The following PCDHGB2 variants were observed in gnomAD, a reference collection of about 807,000 sequenced individuals.
PCDHGB2 encodes the protein protocadherin gamma subfamily B, 2.
Under a neutral mutation model 59.3 loss-of-function variants are expected in PCDHGB2, and 55 were observed. That is an observed-to-expected ratio of 0.93 (90% CI 0.75 to 1.16). The LOEUF is 1.16. Among genes scored for constraint, PCDHGB2 ranks in the 50% most tolerant of loss-of-function variants. The pLI is 0.00. For synonymous variants in PCDHGB2, 516 were observed against 512.0 expected, an observed-to-expected ratio of 1.01 and a Z score of -0.11; for missense variants, 1,228 against 1,198.5, an observed-to-expected ratio of 1.02 and a Z score of -0.36.
At chr5:141,423,734 T>C in intron 1 of PCDHGB2, 1 of 969,626 alleles carries the variant, frequency 1.0e-6, no homozygotes, top group Non-Finnish European at 1.3e-6. Flanking sequence ...TTTTTGAGCC[T>C]GTTATGAAAA....
chr5:141,488,837 C>A (rs550655328), intron 1 of PCDHGB2, among the ~76,000 whole-genome samples: 1 of 152,280 alleles, frequency 6.6e-6, no homozygotes, highest in African/African-American at 2.4e-5. Context: ...GCCAAGGGGG[C>A]TGAATCAACC....
At chr5:141,398,670 A>T in intron 1 of PCDHGB2, 1 of 1,613,830 alleles carries the variant, frequency 6.2e-7, no homozygotes, top group Non-Finnish European at 8.5e-7. Flanking sequence ...TCTCATTAAT[A>T]ATTAAGGAGA....
At position 141,433,052 on chromosome 5, in the gene PCDHGB2, A is replaced by G. The variant is rs757503771; in HGVS notation, c.2422-61755A>G. The G allele has an allele frequency of 3.1e-6, 5 of 1,614,178 alleles. No individual in the cohort carries two copies. In the Admixed American group the frequency reaches 8.3e-5, roughly 27 times the overall value. ...GGTTTCCCTCACCACGGACTCGCGG[A>G]AGAGTCACCTGATCTTCCCCCAGCC... On this transcript the variant is annotated intron_variant, in intron 1 of 3. Transcript: ENST00000522605.
Position 141,485,605 on chromosome 5 carries a change from G to A in PCDHGB2, c.2422-9202G>A. On this transcript the variant is annotated intron_variant, in intron 1 of 3. Transcript: ENST00000522605. This position sits in a 1 kb window ranked among gnomAD's most constrained non-coding sequence, Gnocchi z 5.7. The stretch of plus-strand genomic sequence containing the variant: ...AGCAGCTGGACTTGGAAATTGGGGA[G>A]GCAGCTCCTCCAGGACAGCGTTTCC... 6.2e-7 allele frequency: 1 copy of A among 1,612,448 alleles called. No homozygotes were observed. Among genetic ancestry groups the A allele is most frequent in the Non-Finnish European group, 8.5e-7 (1 of 1,178,750 alleles).
chr5:141,385,593 C>T lies in PCDHGB2; in HGVS notation c.2421+23037C>T. On this transcript the variant is annotated intron_variant, in intron 1 of 3. Transcript: ENST00000522605. ...ACTTTCCAATCTATGTTCCAACCTA[C>T]TTTCTTAACTCATATATTTTATACA... is the stretch of plus-strand genomic sequence containing the variant. The T allele has an allele frequency of 2.4e-6, 3 of 1,235,054 alleles. No individual in the cohort carries two copies. The South Asian group carries it at 7.5e-5, about 31-fold the overall frequency. The allele number at this position is 1,235,054 out of a possible 1,614,324, so 76.5% of individuals were successfully genotyped here. A position where few individuals can be genotyped will look rare whatever the true frequency, so the allele number is the denominator to read the frequency against.
chr5:141,390,446 G>A, intron 1 of PCDHGB2: 1 of 862,526 alleles, frequency 1.2e-6, no homozygotes, highest in Non-Finnish European at 1.7e-6. Context: ...CTACAAAGGA[G>A]GAGTAAAGTA....
intron 1 of PCDHGB2, chr5:141,365,167 C>A (rs201444039): frequency 2.5e-5 from 41 of 1,613,832 alleles, no homozygotes; most frequent in Non-Finnish European, 3.4e-5. Flanking sequence ...AATTGACCTA[C>A]TCTTTTCGCA....
intron 1 of PCDHGB2, chr5:141,400,388 A>C: frequency 1.9e-6 from 3 of 1,614,066 alleles, no homozygotes; most frequent in Non-Finnish European, 2.5e-6. Context: ...TGTGTTGCAC[A>C]TACAGGAAAG....
At chr5:141,422,911 G>A (rs375046528) in intron 1 of PCDHGB2, 5 of 1,614,118 alleles carry the variant, frequency 3.1e-6, no homozygotes, top group African/African-American at 2.7e-5. Flanking sequence ...CAATGCGCCC[G>A]AGATCCTGTA....
intron 1 of PCDHGB2, chr5:141,398,776 G>A: frequency 6.2e-7 from 1 of 1,613,904 alleles, no homozygotes; most frequent in Non-Finnish European, 8.5e-7. Flanking sequence ...TGCCTTGGAC[G>A]GTGGACATCC....
intron 1 of PCDHGB2, among the ~76,000 whole-genome samples, chr5:141,470,430 T>C (rs994304635): frequency 6.6e-6 from 1 of 152,232 alleles, no homozygotes; most frequent in Non-Finnish European, 1.5e-5. Flanking sequence ...TTTCCTTGTG[T>C]GCAATAATTT....
At chr5:141,370,322 C>T (rs1311185888) in intron 1 of PCDHGB2, 8 of 1,366,842 alleles carry the variant, frequency 5.9e-6, no homozygotes, top group Non-Finnish European at 7.0e-6. Context: ...GTTGGTCCTG[C>T]TCGGAGAACT....
intron 1 of PCDHGB2, among the ~76,000 whole-genome samples, chr5:141,467,341 C>T (rs1169830103): frequency 6.6e-6 from 1 of 152,214 alleles, no homozygotes; most frequent in Non-Finnish European, 1.5e-5. Context: ...ACGTAAGCCA[C>T]TGCCCCCGGC....
rs763001349 is a variant in PCDHGB2 at position 141,398,988 on chromosome 5, C to A, written c.2421+36432C>A. 1.9e-6 allele frequency: 3 copies of A among 1,613,832 alleles called. No homozygotes were observed. The African/African-American group carries it at 4.0e-5, about 22-fold the overall frequency. On this transcript the variant is annotated intron_variant, in intron 1 of 3. Coordinates refer to ENST00000522605, the MANE Select transcript of PCDHGB2 (RefSeq NM_018923.3). Reference sequence around the variant, plus strand: ...ATTCCTTCTACAGAACCGGGCAAATCTTTAGTCTGAATTCAAAGAGCGGAG... The same window carrying A: ...ATTCCTTCTACAGAACCGGGCAAATATTTAGTCTGAATTCAAAGAGCGGAG...
intron 1 of PCDHGB2, chr5:141,419,492 A>G: frequency 6.2e-7 from 1 of 1,612,358 alleles, no homozygotes; most frequent in South Asian, 1.1e-5. Flanking sequence ...GCTCAGCGCC[A>G]ATGTGAGCCT....
At chr5:141,369,551 T>G (rs1335245789) in intron 1 of PCDHGB2, among the ~76,000 whole-genome samples, 1 of 152,156 alleles carries the variant, frequency 6.6e-6, no homozygotes, top group Non-Finnish European at 1.5e-5. Context: ...AAGTAGACAC[T>G]TGGAAACAAA....
chr5:141,384,787 C>A, intron 1 of PCDHGB2: 2 of 1,613,552 alleles, frequency 1.2e-6, no homozygotes, highest in Admixed American at 3.3e-5. Flanking sequence ...GCGCACGGCT[C>A]GGGCCCTGCT....
chr5:141,409,706 T>A, intron 1 of PCDHGB2: 1 of 1,613,210 alleles, frequency 6.2e-7, no homozygotes, highest in Non-Finnish European at 8.5e-7. Context: ...CCTGGCGGTG[T>A]CGTCATACGT....
Position 141,486,294 on chromosome 5 carries a change from T to C in PCDHGB2, c.2422-8513T>C, listed in dbSNP as rs764106041. The C allele has an allele frequency of 1.2e-6, 2 of 1,614,036 alleles. No homozygotes were observed. The highest frequency in any genetic ancestry group is 1.7e-6 in the Non-Finnish European group (2 of 1,179,998). On this transcript the variant is annotated intron_variant, in intron 1 of 3. Transcript: ENST00000522605. The surrounding 1 kb of genome is among the most constrained non-coding windows in gnomAD (Gnocchi z 5.0). ...GGCACTGTGGTGGCACTTATCAGTG[T>C]GCAGGATCCAGACTCAGGGTCAAAC...
Sources: allele counts gnomAD v4.1 joint callset (sites outside exome capture counted in the v4.1 genomes callset), GRCh38; gene constraint gnomAD v4.1.1; non-coding constraint Gnocchi (gnomAD v3.1); transcripts MANE v1.5; gene names NCBI Gene and HGNC (gene_info 2026-07-23, HGNC 2026-07-21).